Variants in PHF2 observed in about 807,000 individuals in gnomAD.
The protein encoded by PHF2 is lysine-specific demethylase PHF2.
In PHF2, 27 loss-of-function variants were observed where a neutral mutation model predicts 120.5. That is an observed-to-expected ratio of 0.22 (90% confidence interval 0.17 to 0.31). PHF2 has a LOEUF of 0.31. Ranked by LOEUF, PHF2 falls within the 10% of genes least tolerant of loss-of-function variation. The probability of loss-of-function intolerance (pLI) is 1.00; values close to 1 mark genes in which losing one functional copy is unlikely to be tolerated. For synonymous variants in PHF2, 568 were observed against 592.5 expected (o/e 0.96, Z 0.60); for missense variants, 1,024 against 1,434.8 (o/e 0.71, Z 4.63).
intron 1 of PHF2, among the ~76,000 whole-genome samples, chr9:93,620,741 T>C (rs937229402): frequency 1.3e-5 from 2 of 152,250 alleles, no homozygotes; most frequent in Admixed American, 6.5e-5. Flanking sequence ...CAGTATCTTA[T>C]GCTCCTGGCT....
intron 1 of PHF2, among the ~76,000 whole-genome samples, chr9:93,590,287 A>C (rs929091352): frequency 7.9e-5 from 12 of 152,168 alleles, no homozygotes; most frequent in African/African-American, 2.9e-4. Flanking sequence ...TTTCCTCCCT[A>C]GAGTTGTAGA....
intron 5 of PHF2, 116 bp from the exon 6 acceptor site, chr9:93,653,063 T>TGGCCCGC: frequency 1.2e-6 from 1 of 864,582 alleles, no homozygotes; most frequent in Non-Finnish European, 1.8e-6. Flanking sequence ...CTGTGACCCG[T>TGGCCCGC]GGCCCGCAGG....
At chr9:93,596,933 T>G (rs1239603692) in intron 1 of PHF2, among the ~76,000 whole-genome samples, 4 of 140,408 alleles carry the variant, frequency 2.8e-5, no homozygotes, top group Non-Finnish European at 4.7e-5. Flanking sequence ...TAATTTTTTT[T>G]TTTTTTTTTT....
At chr9:93,605,764 A>G (rs1008309349) in intron 1 of PHF2, among the ~76,000 whole-genome samples, 2 of 152,002 alleles carry the variant, frequency 1.3e-5, no homozygotes, top group Non-Finnish European at 2.9e-5. Flanking sequence ...ACTGAGTAAT[A>G]TTTCATTGTC....
chr9:93,664,635 C>T (rs1225511964), intron 14 of PHF2, among the ~76,000 whole-genome samples: 2 of 152,224 alleles, frequency 1.3e-5, no homozygotes, highest in African/African-American at 4.8e-5. Context: ...CAGGGCAACA[C>T]GCGAGGCCAT....
chr9:93,606,014 C>T (rs1418398401), intron 1 of PHF2, among the ~76,000 whole-genome samples: 1 of 151,860 alleles, frequency 6.6e-6, no homozygotes, highest in Non-Finnish European at 1.5e-5. Context: ...GGCTCTGTTG[C>T]CCGGGCTGGA....
At chr9:93,606,049 C>T (rs1825537425) in intron 1 of PHF2, among the ~76,000 whole-genome samples, 1 of 152,092 alleles carries the variant, frequency 6.6e-6, no homozygotes, top group Admixed American at 6.6e-5. Flanking sequence ...TCTCAGCTCA[C>T]TGCAACCTCC....
chr9:93,644,567 C>T (rs1226698285), intron 3 of PHF2, among the ~76,000 whole-genome samples: 1 of 152,098 alleles, frequency 6.6e-6, no homozygotes, highest in East Asian at 1.9e-4. Flanking sequence ...CCCCTCGGCC[C>T]TGTCTTGCAG....
At chr9:93,667,454 T>C (rs1332567882) in intron 17 of PHF2, among the ~76,000 whole-genome samples, 1 of 152,240 alleles carries the variant, frequency 6.6e-6, no homozygotes, top group Non-Finnish European at 1.5e-5. Context: ...TTTCTTTTAA[T>C]TTTTCGGGTA....
At chr9:93,583,338 C>G (rs776987246) in intron 1 of PHF2, among the ~76,000 whole-genome samples, 3 of 152,152 alleles carry the variant, frequency 2.0e-5, no homozygotes, top group Non-Finnish European at 1.5e-5. Context: ...GTTCTTTCCA[C>G]CTATGGCTGT....
chr9:93,647,025 G>A (rs75018698), intron 4 of PHF2, among the ~76,000 whole-genome samples: 9,261 of 152,254 alleles, frequency 0.061, 391 homozygotes, highest in Non-Finnish European at 0.088. Flanking sequence ...GCCTGTGCTC[G>A]GCTTTACCGC....
At chr9:93,646,212 C>T (rs919023744) in intron 4 of PHF2, among the ~76,000 whole-genome samples, 11 of 152,244 alleles carry the variant, frequency 7.2e-5, no homozygotes, top group East Asian at 1.9e-4. Context: ...AGAATCTCCT[C>T]GTCTGGATTC....
rs548583193 is a variant in PHF2, at chr9:93,677,092, A to C, written c.3202+129A>C. 1.4e-4 allele frequency: 144 copies of C among 1,034,368 alleles called. 1 individual carries two copies. The African/African-American group carries it at 2.2e-3, about 16-fold the overall frequency. 64.1% of individuals were successfully genotyped at this position (1,034,368 alleles called of 1,614,324 possible). On this transcript the variant is annotated intron_variant, in intron 21 of 21. Coordinates refer to ENST00000359246, the MANE Select transcript of PHF2 (RefSeq NM_005392.4). The surrounding 1 kb of genome is among the most constrained non-coding windows in gnomAD (Gnocchi z 4.4). ...GGAGGGCTCCTGGGCCTTGGGTGGC[A>C]GGGTGCTGTGGTCCAAGTTGGTTGC... is the stretch of plus-strand genomic sequence containing the variant.
chr9:93,624,366 G>A (rs1200193627), intron 1 of PHF2, among the ~76,000 whole-genome samples: 1 of 151,438 alleles, frequency 6.6e-6, no homozygotes, highest in Non-Finnish European at 1.5e-5. Flanking sequence ...TGTTGGTGAT[G>A]GTGATGAAAA....
intron 17 of PHF2, among the ~76,000 whole-genome samples, chr9:93,669,967 C>T (rs1826753025): frequency 6.6e-6 from 1 of 152,228 alleles, no homozygotes; most frequent in Non-Finnish European, 1.5e-5. Flanking sequence ...CTTCTTGTCT[C>T]ACATGTGTGC....
intron 1 of PHF2, among the ~76,000 whole-genome samples, chr9:93,583,798 C>T (rs1466697698): frequency 6.7e-6 from 1 of 148,898 alleles, no homozygotes; most frequent in African/African-American, 2.5e-5. Flanking sequence ...TTTATATAGT[C>T]TAGATACTGT....
chr9:93,661,571 G>T (rs1826566818), intron 12 of PHF2, among the ~76,000 whole-genome samples: 1 of 152,036 alleles, frequency 6.6e-6, no homozygotes, highest in African/African-American at 2.4e-5. Context: ...TGATGGATGG[G>T]TGGATGGATG....
chr9:93,608,056 A>C (rs1379934894), intron 1 of PHF2, among the ~76,000 whole-genome samples: 2 of 151,962 alleles, frequency 1.3e-5, no homozygotes, highest in African/African-American at 2.4e-5. Context: ...AGGAAGAAAG[A>C]TGTATTATTA....
chr9:93,625,940 A>T (rs185576479), intron 1 of PHF2, among the ~76,000 whole-genome samples: 1 of 151,622 alleles, frequency 6.6e-6, no homozygotes, highest in Non-Finnish European at 1.5e-5. Flanking sequence ...CCTCTCCAAA[A>T]CTTACTTTAA....
Sources: gnomAD v4.1 joint callset for allele counts (sites outside exome capture counted in the v4.1 genomes callset) on GRCh38, gnomAD v4.1.1 for gene constraint, Gnocchi (gnomAD v3.1) non-coding constraint, MANE v1.5 for transcripts, NCBI Gene and HGNC (gene_info 2026-07-23, HGNC 2026-07-21) for gene names.